ANXA13: variants seen among roughly 807,000 people sequenced by gnomAD.
The protein encoded by ANXA13 is annexin A13, also known as annexin XIII.
Under a neutral mutation model 46.6 loss-of-function variants are expected in ANXA13, and 36 were observed. The observed-to-expected ratio is 0.77, with a 90% CI of 0.59 to 1.02. ANXA13 has a LOEUF of 1.02. ANXA13 is among the 50% of genes least tolerant of loss of function. The pLI, the probability that ANXA13 is intolerant of heterozygous loss-of-function variation, is 0.00. For missense variants in ANXA13, 417 were observed against 396.5 expected (o/e 1.05, Z -0.44); for synonymous variants, 163 against 152.9 (o/e 1.07, Z -0.49).
At chr8:123,702,477 AG>A (rs1321847235) in intron 3 of ANXA13, among the ~76,000 whole-genome samples, 164 bp downstream of exon 3, 1 of 152,230 alleles carries the variant, frequency 6.6e-6, no homozygotes, top group Admixed American at 6.5e-5. Flanking sequence ...AAGCAATTTC[AG>A]TTTTTCTGAA....
At chr8:123,735,808 C>T (rs200664573) in intron 1 of ANXA13, 235 of 1,612,490 alleles carry the variant, frequency 1.5e-4, no homozygotes, top group Non-Finnish European at 1.7e-4. Context: ...AGAGGCTGCA[C>T]GACTGTCGAG....
intron 1 of ANXA13, chr8:123,735,945 A>G: frequency 1.3e-6 from 2 of 1,494,964 alleles, no homozygotes; most frequent in Non-Finnish European, 1.8e-6. Flanking sequence ...CCCTAGGTTG[A>G]CTTTCAAAAG....
chr8:123,699,826 C>T (rs1813409401), intron 3 of ANXA13, among the ~76,000 whole-genome samples: 1 of 152,220 alleles, frequency 6.6e-6, no homozygotes, highest in Non-Finnish European at 1.5e-5. Context: ...TGTACTTAAT[C>T]TCACCAACTG....
chr8:123,695,609 G>C (rs764074115), intron 5 of ANXA13, 28 bp from the exon 6 acceptor site: 1 of 1,610,452 alleles, frequency 6.2e-7, no homozygotes, highest in Non-Finnish European at 8.5e-7. Flanking sequence ...AAGGAGGGAA[G>C]AAAGCAGATG....
intron 10 of ANXA13, among the ~76,000 whole-genome samples, chr8:123,682,843 G>C (rs1286083823): frequency 6.6e-6 from 1 of 152,202 alleles, no homozygotes; most frequent in Admixed American, 6.5e-5. Flanking sequence ...CTGCCCACAT[G>C]TTGAGATGGC....
intron 2 of ANXA13, among the ~76,000 whole-genome samples, chr8:123,705,973 A>G (rs944977299): frequency 6.6e-6 from 1 of 152,196 alleles, no homozygotes; most frequent in African/African-American, 2.4e-5. Flanking sequence ...TGTGACAACC[A>G]TGTTCCAAAC....
chr8:123,681,619 C>CTTTTTT (rs5894670), intron 10 of ANXA13, among the ~76,000 whole-genome samples: 6 of 107,030 alleles, frequency 5.6e-5, no homozygotes, highest in African/African-American at 7.6e-5. Flanking sequence ...TCTTGAATTT[C>CTTTTTT]TTTTTTTTTT....
intron 10 of ANXA13, 87 bp from the exon 11 acceptor site, chr8:123,681,446 T>C (rs1813036264): frequency 4.4e-6 from 6 of 1,368,146 alleles, no homozygotes; most frequent in Non-Finnish European, 6.0e-6. Flanking sequence ...GTTATACTCA[T>C]TTGCTCATTC....
intron 1 of ANXA13, among the ~76,000 whole-genome samples, chr8:123,735,420 A>T (rs1041258554): frequency 6.6e-6 from 1 of 152,162 alleles, no homozygotes; most frequent in Non-Finnish European, 1.5e-5. Context: ...ACTTTTTTAC[A>T]TGTATTCATT....
Position 123,692,045 on chromosome 8 carries a change from G to A in ANXA13, c.642+1152C>T, listed in dbSNP as rs139739272. Among the ~76,000 whole-genome samples the A allele has an allele frequency of 4.8e-3, 732 of 152,302 alleles. 4 individuals are homozygous for A. Among genetic ancestry groups the A allele is most frequent in the Non-Finnish European group, 8.1e-3 (550 of 68,024 alleles). On this transcript the variant is annotated intron_variant, in intron 8 of 10. Transcript: ENST00000419625. ...TGTCTTTGATCATGACTCTGGGCAC[G>A]ATTTGAAAGGAGCAGGCCCTAAAGG...
chr8:123,728,419 C>T (rs1389872924), intron 1 of ANXA13: 2 of 152,164 alleles, frequency 1.3e-5, no homozygotes, highest in African/African-American at 2.4e-5. Context: ...AAATGAAGCA[C>T]GTTTCTCATT....
chr8:123,717,488 A>G (rs1441033821), intron 1 of ANXA13, among the ~76,000 whole-genome samples: 1 of 152,260 alleles, frequency 6.6e-6, no homozygotes, highest in Non-Finnish European at 1.5e-5. Context: ...ATATGTAGAT[A>G]TATAGGTTTC....
At chr8:123,735,084 C>G (rs528606982) in intron 1 of ANXA13, among the ~76,000 whole-genome samples, 1 of 146,590 alleles carries the variant, frequency 6.8e-6, no homozygotes, top group Non-Finnish European at 1.5e-5. Flanking sequence ...AGAAAACAAA[C>G]CAAACCAAAA....
intron 8 of ANXA13, among the ~76,000 whole-genome samples, chr8:123,692,927 T>G (rs1813266841): frequency 6.6e-6 from 1 of 152,134 alleles, no homozygotes. Flanking sequence ...GCTGGAGGAT[T>G]CTTGGTGGTG....
intron 1 of ANXA13, among the ~76,000 whole-genome samples, chr8:123,736,403 T>C (rs1470575307): frequency 2.6e-5 from 4 of 152,208 alleles, no homozygotes; most frequent in Non-Finnish European, 5.9e-5. Context: ...CTGTGTGTAG[T>C]TGGTTCCAAA....
chr8:123,694,784 C>G (rs1037232852), intron 6 of ANXA13, among the ~76,000 whole-genome samples: 2 of 152,282 alleles, frequency 1.3e-5, no homozygotes, highest in Non-Finnish European at 2.9e-5. Context: ...GATGATAGAT[C>G]TATGTTGTTC....
chr8:123,716,668 G>A (rs907157834), intron 1 of ANXA13, among the ~76,000 whole-genome samples: 5 of 152,142 alleles, frequency 3.3e-5, no homozygotes, highest in Admixed American at 2.0e-4. Flanking sequence ...CATCAGCGAT[G>A]CTCAGTGCTG....
chr8:123,697,422 G>A (rs1813361628), intron 4 of ANXA13, among the ~76,000 whole-genome samples: 1 of 152,092 alleles, frequency 6.6e-6, no homozygotes, highest in African/African-American at 2.4e-5. Flanking sequence ...TCCTTGAAAT[G>A]GAGGATTTTT....
intron 3 of ANXA13, 56 bp from the exon 4 acceptor site, chr8:123,698,615 T>C: frequency 6.3e-7 from 1 of 1,577,064 alleles, no homozygotes; most frequent in Non-Finnish European, 8.7e-7. Flanking sequence ...GAGGGGCAGG[T>C]GTCTGCTTGC....
Sources: allele counts gnomAD v4.1 joint callset (sites outside exome capture counted in the v4.1 genomes callset), GRCh38; gene constraint gnomAD v4.1.1; transcripts MANE v1.5; gene names NCBI Gene and HGNC (gene_info 2026-07-23, HGNC 2026-07-21).